JAKMIP1: variants seen among roughly 807,000 people sequenced by gnomAD.
The protein encoded by JAKMIP1 is janus kinase and microtubule interacting protein 1, also known as janus kinase and microtubule-interacting protein 1.
Under a neutral mutation model 113.0 loss-of-function variants are expected in JAKMIP1, and 33 were observed. The ratio of observed to expected loss-of-function variants is 0.29; its 90% CI spans 0.22 to 0.39. The LOEUF is 0.39. JAKMIP1 is among the 10% of genes least tolerant of loss of function. The pLI is 1.00. For synonymous variants in JAKMIP1, 480 were observed against 459.9 expected (o/e 1.04, Z -0.56); for missense variants, 813 against 1,080.5 (o/e 0.75, Z 3.47).
In JAKMIP1 at chr4:6,138,814, A is replaced by T. The variant is rs1719643386; in HGVS notation, c.-147-25817T>A. 6.6e-6 allele frequency among the ~76,000 whole-genome samples: 1 copy of T among 152,036 alleles called. No individual in the cohort carries two copies. The highest frequency in any genetic ancestry group is 2.4e-5 in the African/African-American group (1 of 41,328). ...CCTCCCTGAGCTTCAGTTTCCCCTA[A>T]CCTGGAAAAATGAGGAAAATCATAG... is the stretch of plus-strand genomic sequence containing the variant. On this transcript the variant is annotated intron_variant, in intron 1 of 20. Transcript: ENST00000409021. This position sits in a 1 kb window ranked among gnomAD's most constrained non-coding sequence, Gnocchi z 6.0.
At chr4:6,060,064 G>T (rs1427026263) in intron 11 of JAKMIP1, among the ~76,000 whole-genome samples, 1 of 152,134 alleles carries the variant, frequency 6.6e-6, no homozygotes, top group African/African-American at 2.4e-5. Context: ...ATGGGTGCTG[G>T]TTCATTTTCA....
intron 8 of JAKMIP1, among the ~76,000 whole-genome samples, chr4:6,066,224 A>G (rs1015746640): frequency 6.6e-6 from 1 of 152,040 alleles, no homozygotes; most frequent in Non-Finnish European, 1.5e-5. Flanking sequence ...TTTTACCCAG[A>G]TATCTGTAAA....
At chr4:6,092,298 C>T (rs1039696712) in intron 3 of JAKMIP1, among the ~76,000 whole-genome samples, 16 of 152,140 alleles carry the variant, frequency 1.1e-4, no homozygotes, top group Non-Finnish European at 4.4e-5. Flanking sequence ...GGCACTTCAG[C>T]TCTCTGAAGT....
chr4:6,157,424 AATT>A lies in JAKMIP1; in HGVS notation c.-148+42826_-148+42828del, dbSNP rs1381492303. On this transcript the variant is annotated intron_variant, in intron 1 of 20. Coordinates refer to ENST00000409021, the MANE Select transcript of JAKMIP1 (RefSeq NM_001099433.2). This position sits in a 1 kb window ranked among gnomAD's most constrained non-coding sequence, Gnocchi z 4.7. ...TCTGAAAAGCAGCAATTTCTATGGT[AATT>A]CAGGTAATTTGTGATATTTAGGAAG... 2.0e-5 allele frequency among the ~76,000 whole-genome samples: 3 copies of A among 152,208 alleles called. No individual in the cohort carries two copies. Among genetic ancestry groups the A allele is most frequent in the Non-Finnish European group, 4.4e-5 (3 of 68,028 alleles).
chr4:6,035,298 C>T (rs1226996175), intron 19 of JAKMIP1, among the ~76,000 whole-genome samples: 1 of 152,074 alleles, frequency 6.6e-6, no homozygotes. Context: ...TAGTGCCTAC[C>T]CATAGGGTCC....
chr4:6,159,682 G>C (rs1392337408), intron 1 of JAKMIP1, among the ~76,000 whole-genome samples: 1 of 152,210 alleles, frequency 6.6e-6, no homozygotes, highest in Non-Finnish European at 1.5e-5. Context: ...TTTGCTGTTG[G>C]CAAGGTTCTG....
At chr4:6,148,838 T>C (rs79199293) in intron 1 of JAKMIP1, among the ~76,000 whole-genome samples, 7,382 of 152,316 alleles carry the variant, frequency 0.048, 430 homozygotes, top group African/African-American at 0.14. Flanking sequence ...GAAGCCCCCG[T>C]TTTATTTATA....
At chr4:6,100,519 T>G (rs1650295188) in intron 3 of JAKMIP1, among the ~76,000 whole-genome samples, 1 of 152,262 alleles carries the variant, frequency 6.6e-6, no homozygotes, top group African/African-American at 2.4e-5. Context: ...ATTCGTTGAC[T>G]ATTATAATGC....
Position 6,170,011 on chromosome 4 carries a change from C to CCA in JAKMIP1, c.-148+30241_-148+30242insTG, listed in dbSNP as rs758718517. ...CACCACCACCACCACCACCACCACCCTCACCACCACCACATTCCCATCACC... is the reference window on the plus strand; with the variant it reads ...CACCACCACCACCACCACCACCACCCCATCACCACCACCACATTCCCATCACC... On this transcript the variant is annotated intron_variant, in intron 1 of 20. Coordinates refer to ENST00000409021, the MANE Select transcript of JAKMIP1 (RefSeq NM_001099433.2). Among the ~76,000 whole-genome samples, 863 of 100,238 alleles carry CCA rather than the reference C, an allele frequency of 8.6e-3. 25 individuals carry two copies. The highest frequency in any genetic ancestry group is 0.059 in the Admixed American group (616 of 10,450). 65.8% of individuals were successfully genotyped at this position (100,238 alleles called of 152,430 possible). A position where few individuals can be genotyped will look rare whatever the true frequency, so the allele number is the denominator to read the frequency against.
At position 6,184,787 on chromosome 4, in the gene JAKMIP1, T is replaced by C. The variant is rs1726458789; in HGVS notation, c.-148+15466A>G. 6.6e-6 allele frequency among the ~76,000 whole-genome samples: 1 copy of C among 152,224 alleles called. No individual in the cohort carries two copies. Among genetic ancestry groups the C allele is most frequent in the Non-Finnish European group, 1.5e-5 (1 of 68,046 alleles). On this transcript the variant is annotated intron_variant, in intron 1 of 20. Transcript: ENST00000409021. This position sits in a 1 kb window ranked among gnomAD's most constrained non-coding sequence, Gnocchi z 4.5. Reference sequence around the variant, plus strand: ...GATTGGACAGAAGGATAGAAAGTATTGTTCCTGAGTGTGTCTGTGAGGATC... The same window carrying C: ...GATTGGACAGAAGGATAGAAAGTATCGTTCCTGAGTGTGTCTGTGAGGATC...
intron 4 of JAKMIP1, 86 bp from the exon 5 acceptor site, chr4:6,085,051 A>G: frequency 6.9e-7 from 1 of 1,450,730 alleles, no homozygotes; most frequent in East Asian, 2.4e-5. Context: ...GAAAATTCAC[A>G]TGACATAATG....
chr4:6,122,859 C>T (rs970028302), intron 1 of JAKMIP1, among the ~76,000 whole-genome samples: 1 of 152,134 alleles, frequency 6.6e-6, no homozygotes, highest in Non-Finnish European at 1.5e-5. Flanking sequence ...CTTCTGTCTC[C>T]TCTCTGTGCC....
intron 8 of JAKMIP1, among the ~76,000 whole-genome samples, chr4:6,078,202 C>G (rs1719955501): frequency 6.6e-6 from 1 of 151,948 alleles, no homozygotes; most frequent in African/African-American, 2.4e-5. Context: ...GTAGTCCCAG[C>G]TACTCGGGAG....
Position 6,120,276 on chromosome 4 carries a change from A to G in JAKMIP1, c.-147-7279T>C, listed in dbSNP as rs142379621. Among the ~76,000 whole-genome samples the G allele has an allele frequency of 1.3e-3, 198 of 152,184 alleles. 1 individual carries two copies. Among genetic ancestry groups the G allele is most frequent in the African/African-American group, 4.5e-3 (185 of 41,494 alleles). On this transcript the variant is annotated intron_variant, in intron 1 of 20. Transcript: ENST00000409021. Reference sequence around the variant, plus strand: ...TACATGACTTTGTTTTAAATATCTAAATCCAAATTGATTGTACTGACTTAA... The same window carrying G: ...TACATGACTTTGTTTTAAATATCTAGATCCAAATTGATTGTACTGACTTAA...
Position 6,140,588 on chromosome 4 carries a change from G to A in JAKMIP1, c.-147-27591C>T, listed in dbSNP as rs1303133277. The stretch of plus-strand genomic sequence containing the variant: ...TAGGTGACAGTGGTTCACAGCGTAA[G>A]GACCTCTGTCCCCACTGCTCCTGGA... On this transcript the variant is annotated intron_variant, in intron 1 of 20. Transcript: ENST00000409021. The surrounding 1 kb of genome is among the most constrained non-coding windows in gnomAD (Gnocchi z 9.4). Among the ~76,000 whole-genome samples, 1 of 152,102 alleles carries A rather than the reference G, an allele frequency of 6.6e-6. No homozygotes were observed. The highest frequency in any genetic ancestry group is 1.5e-5 in the Non-Finnish European group (1 of 68,034).
At position 6,180,560 on chromosome 4, in the gene JAKMIP1, T is replaced by G. The variant is rs1339314397; in HGVS notation, c.-148+19693A>C. On this transcript the variant is annotated intron_variant, in intron 1 of 20. Coordinates refer to ENST00000409021, the MANE Select transcript of JAKMIP1 (RefSeq NM_001099433.2). This position sits in a 1 kb window ranked among gnomAD's most constrained non-coding sequence, Gnocchi z 4.5. ...CAACAAACATGCACCAAGTAATAAGTCACCATTTATATAGCTCTCACTGTG... is the reference window on the plus strand; with the variant it reads ...CAACAAACATGCACCAAGTAATAAGGCACCATTTATATAGCTCTCACTGTG... Among the ~76,000 whole-genome samples, 1 of 152,156 alleles carries G rather than the reference T, an allele frequency of 6.6e-6. No homozygotes were observed. The highest frequency in any genetic ancestry group is 2.4e-5 in the African/African-American group (1 of 41,438).
At chr4:6,038,809 T>C (rs1396665486) in intron 18 of JAKMIP1, among the ~76,000 whole-genome samples, 4 of 152,188 alleles carry the variant, frequency 2.6e-5, no homozygotes, top group South Asian at 4.1e-4. Flanking sequence ...CCTTCTCTAC[T>C]CAGCAGCCGA....
chr4:6,114,492 C>T (rs981253399), intron 1 of JAKMIP1, among the ~76,000 whole-genome samples: 1 of 152,154 alleles, frequency 6.6e-6, no homozygotes, highest in Non-Finnish European at 1.5e-5. Flanking sequence ...GTGCATCCAG[C>T]AAGTTGCAGA....
chr4:6,122,770 AG>A (rs1298590887), intron 1 of JAKMIP1, among the ~76,000 whole-genome samples: 1 of 152,162 alleles, frequency 6.6e-6, no homozygotes, highest in Non-Finnish European at 1.5e-5. Context: ...GGAGGGCGAG[AG>A]CACGGGCTCA....
Sources: gnomAD v4.1 joint callset for allele counts (sites outside exome capture counted in the v4.1 genomes callset) on GRCh38, gnomAD v4.1.1 for gene constraint, Gnocchi (gnomAD v3.1) non-coding constraint, MANE v1.5 for transcripts, NCBI Gene and HGNC (gene_info 2026-07-23, HGNC 2026-07-21) for gene names.